The following AK7 variants were observed in gnomAD, a reference collection of about 807,000 sequenced individuals.
The protein encoded by AK7 is ATP-AMP transphosphorylase 7.
A neutral mutation model predicts 96.6 loss-of-function variants in AK7; 78 were observed. The observed-to-expected ratio is 0.81, with a 90% confidence interval of 0.67 to 0.97. The LOEUF is 0.97. AK7 is among the 50% of genes least tolerant of loss of function. AK7 has a pLI of 0.00. For missense variants in AK7, 855 were observed against 887.9 expected (o/e 0.96, Z 0.47); for synonymous variants, 302 against 317.2 (o/e 0.95, Z 0.51).
chr14:96,394,157 C>G lies in AK7; in HGVS notation c.105+1898C>G, dbSNP rs764975348. ...TTAATCTAACATACACAGGATGAGG[C>G]TCAAGCCAGAGAAAATAGTTCTCAG... On this transcript the variant is annotated intron_variant, in intron 1 of 17. Transcript: ENST00000267584. 3.3e-5 allele frequency among the ~76,000 whole-genome samples: 5 copies of G among 152,062 alleles called. No individual in the cohort carries two copies. The South Asian group carries it at 8.3e-4, about 25-fold the overall frequency.
chr14:96,488,908 G>T lies in AK7; in HGVS notation c.*565G>T, dbSNP rs556837459. ...GGGTCAGGATCCCAGACAATGAATC[G>T]GAGAGAACTGTAAACCTTTAGGCGG... On this transcript the variant is annotated 3_prime_UTR_variant, in exon 18 of 18. Transcript: ENST00000267584. The T allele has an allele frequency of 6.6e-6, 1 of 151,420 alleles. No homozygotes were observed. The highest frequency in any genetic ancestry group is 6.6e-5 in the Admixed American group (1 of 15,160). 9.4% of individuals were successfully genotyped at this position (151,420 alleles called of 1,614,324 possible).
chr14:96,415,767 AT>A lies in AK7; in HGVS notation c.499-5053del, dbSNP rs539815337. Reference sequence around the variant, plus strand: ...TTAAATTAATTAATTTAATACATTAATTAATTAAATTAATTTAATACATTAA... The same window carrying A: ...TTAAATTAATTAATTTAATACATTAATAATTAAATTAATTTAATACATTAA... On this transcript the variant is annotated intron_variant, in intron 4 of 17. Coordinates refer to ENST00000267584, the MANE Select transcript of AK7 (RefSeq NM_152327.5). Among the ~76,000 whole-genome samples, 48 of 145,418 alleles carry A rather than the reference AT, an allele frequency of 3.3e-4. 1 individual carries two copies. In the South Asian group the frequency reaches 0.01, roughly 30 times the overall value.
At chr14:96,464,583 A>C (rs1052358227) in intron 12 of AK7, among the ~76,000 whole-genome samples, 4 of 150,224 alleles carry the variant, frequency 2.7e-5, no homozygotes, top group African/African-American at 9.8e-5. Flanking sequence ...AAAGAGAGAG[A>C]ATAGTGTACT....
At chr14:96,400,512 C>T (rs767976081) in intron 2 of AK7, among the ~76,000 whole-genome samples, 2 of 152,220 alleles carry the variant, frequency 1.3e-5, no homozygotes, top group Admixed American at 6.5e-5. Flanking sequence ...GAAGTGGAAC[C>T]GGCTTCAGAG....
At chr14:96,452,325 CTT>C (rs548934217) in intron 10 of AK7, among the ~76,000 whole-genome samples, 1 of 144,956 alleles carries the variant, frequency 6.9e-6, no homozygotes, top group African/African-American at 2.5e-5. Context: ...ATGAAGCAAC[CTT>C]TTTTTTTTTT....
At chr14:96,407,813 C>T (rs1174928516) in intron 3 of AK7, among the ~76,000 whole-genome samples, 1 of 151,976 alleles carries the variant, frequency 6.6e-6, no homozygotes, top group Non-Finnish European at 1.5e-5. Flanking sequence ...GATCTCCTGA[C>T]CTCGTGATCC....
intron 3 of AK7, among the ~76,000 whole-genome samples, chr14:96,407,563 G>GTTTC (rs1362570428): frequency 7.1e-6 from 1 of 140,386 alleles, no homozygotes; most frequent in Non-Finnish European, 1.5e-5. Context: ...GCTCTGATAT[G>GTTTC]TTTCTTTCTT....
chr14:96,393,090 C>G (rs1204573156), intron 1 of AK7, among the ~76,000 whole-genome samples: 3 of 152,120 alleles, frequency 2.0e-5, no homozygotes, highest in Non-Finnish European at 4.4e-5. Flanking sequence ...ATTAAGTTTC[C>G]TCACCTTTCT....
At chr14:96,423,806 AC>A in intron 5 of AK7, 1 of 756,964 alleles carries the variant, frequency 1.3e-6, no homozygotes, top group Non-Finnish European at 2.4e-6. Context: ...GGGGGACGCC[AC>A]CTTGAATTTG....
chr14:96,409,071 C>T (rs1890890209), intron 4 of AK7, 130 bp downstream of exon 4: 1 of 869,506 alleles, frequency 1.2e-6, no homozygotes, highest in East Asian at 2.7e-5. Flanking sequence ...TAATAAGCAC[C>T]CAGCAGAGTT....
intron 10 of AK7, among the ~76,000 whole-genome samples, chr14:96,455,035 C>T (rs140096764): frequency 0.02 from 3,097 of 152,012 alleles, 51 homozygotes; most frequent in Non-Finnish European, 0.03. Flanking sequence ...GGTGTGGTGG[C>T]GTGCGCCTGT....
intron 5 of AK7, among the ~76,000 whole-genome samples, chr14:96,427,344 A>G (rs185244363): frequency 5.2e-4 from 79 of 152,358 alleles, no homozygotes; most frequent in Non-Finnish European, 8.7e-4. Flanking sequence ...ACTTACAACC[A>G]TGGCAGAAGA....
intron 10 of AK7, among the ~76,000 whole-genome samples, chr14:96,455,234 C>T (rs1309357890): frequency 1.3e-5 from 2 of 151,916 alleles, no homozygotes; most frequent in African/African-American, 4.8e-5. Flanking sequence ...CCTGTTATCC[C>T]AACGCTTTGG....
intron 12 of AK7, among the ~76,000 whole-genome samples, chr14:96,467,174 C>T (rs1174271662): frequency 6.6e-6 from 1 of 151,986 alleles, no homozygotes; most frequent in African/African-American, 2.4e-5. Flanking sequence ...TAAACAAGTC[C>T]GTTGTGCCTC....
chr14:96,408,949 GAGCGTT>G lies in AK7; in HGVS notation c.498+12_498+17del. The G allele has an allele frequency of 6.2e-7, 1 of 1,613,212 alleles. No homozygotes were observed. Among genetic ancestry groups the G allele is most frequent in the Non-Finnish European group, 8.5e-7 (1 of 1,179,186 alleles). On this transcript the variant is annotated intron_variant, in intron 4 of 17. Coordinates refer to ENST00000267584, the MANE Select transcript of AK7 (RefSeq NM_152327.5). Reference sequence around the variant, plus strand: ...TCCAAAGCCCTGGACCCCGTAAGTAGAGCGTTAGCTTTCCTTTAGGTAACATTTCAG... The same window carrying G: ...TCCAAAGCCCTGGACCCCGTAAGTAGAGCTTTCCTTTAGGTAACATTTCAG...
At chr14:96,421,929 T>C (rs1193017347) in intron 5 of AK7, among the ~76,000 whole-genome samples, 2 of 152,152 alleles carry the variant, frequency 1.3e-5, no homozygotes, top group Non-Finnish European at 2.9e-5. Context: ...TATTGCAGTA[T>C]CTGGCCAGCA....
At chr14:96,444,364 T>G (rs1030814209) in intron 7 of AK7, among the ~76,000 whole-genome samples, 9 of 152,152 alleles carry the variant, frequency 5.9e-5, no homozygotes, top group Non-Finnish European at 4.4e-5. Flanking sequence ...CCTTAACATA[T>G]TACGTCCAAA....
chr14:96,407,575 C>CTTTTTTTTTTTTT (rs1288121196), intron 3 of AK7, among the ~76,000 whole-genome samples: 1 of 54,732 alleles, frequency 1.8e-5, no homozygotes. Flanking sequence ...TTCTTTCTTT[C>CTTTTTTTTTTTTT]TTTTCTTTTT....
intron 6 of AK7, among the ~76,000 whole-genome samples, chr14:96,438,737 G>A (rs1892789915): frequency 6.6e-6 from 1 of 152,138 alleles, no homozygotes; most frequent in Admixed American, 6.6e-5. Context: ...GATATAAAAG[G>A]ACAGCTTTCT....
Sources: allele counts gnomAD v4.1 joint callset (sites outside exome capture counted in the v4.1 genomes callset), GRCh38; gene constraint gnomAD v4.1.1; transcripts MANE v1.5; gene names NCBI Gene and HGNC (gene_info 2026-07-23, HGNC 2026-07-21).